The following SCARA5 variants were observed in gnomAD, a reference collection of about 807,000 sequenced individuals.
SCARA5 encodes the protein scavenger receptor class A member 5.
SCARA5 carries 45 observed loss-of-function variants against 46.3 expected under a neutral mutation model. The observed-to-expected ratio is 0.97, with a 90% CI of 0.76 to 1.24. The LOEUF (loss-of-function observed/expected upper bound fraction) is 1.24. Ranked by LOEUF, SCARA5 falls within the 50% of genes most tolerant of loss-of-function variation. The pLI, the probability that SCARA5 is intolerant of heterozygous loss-of-function variation, is 0.00. For synonymous variants in SCARA5, 333 were observed against 306.5 expected (o/e 1.09, Z -0.90); for missense variants, 680 against 689.0 (o/e 0.99, Z 0.15).
At chr8:27,878,721 C>T (rs990289362) in intron 8 of SCARA5, among the ~76,000 whole-genome samples, 2 of 152,196 alleles carry the variant, frequency 1.3e-5, no homozygotes, top group Non-Finnish European at 2.9e-5. Context: ...GCCTAAACAT[C>T]GGGTCTGACA....
intron 7 of SCARA5, among the ~76,000 whole-genome samples, chr8:27,885,530 TGAATGGAG>T (rs1806881379): frequency 6.6e-6 from 1 of 152,180 alleles, no homozygotes; most frequent in African/African-American, 2.4e-5. Flanking sequence ...AAGGCATGCA[TGAATGGAG>T]GGACTCATTA....
chr8:27,897,309 T>G (rs1047323671), intron 7 of SCARA5, among the ~76,000 whole-genome samples: 3 of 152,172 alleles, frequency 2.0e-5, no homozygotes, highest in African/African-American at 7.2e-5. Context: ...CACAGCTGCA[T>G]CCACTCCCAG....
chr8:27,963,465 C>G (rs1808320819), intron 3 of SCARA5, among the ~76,000 whole-genome samples: 1 of 152,188 alleles, frequency 6.6e-6, no homozygotes, highest in African/African-American at 2.4e-5. Flanking sequence ...GGAGGAGGCT[C>G]TTGCCGTCTC....
At chr8:27,974,752 G>A (rs908195144) in intron 2 of SCARA5, among the ~76,000 whole-genome samples, 3 of 151,948 alleles carry the variant, frequency 2.0e-5, no homozygotes, top group African/African-American at 7.3e-5. Flanking sequence ...CTCCATAGGG[G>A]AGGGAAGGAA....
intron 2 of SCARA5, among the ~76,000 whole-genome samples, chr8:27,977,830 A>C (rs1808549889): frequency 6.6e-6 from 1 of 152,254 alleles, no homozygotes; most frequent in Non-Finnish European, 1.5e-5. Context: ...GAGCACAGGA[A>C]ACATGGCTGG....
intron 2 of SCARA5, among the ~76,000 whole-genome samples, chr8:27,973,030 G>T (rs947087803): frequency 6.6e-6 from 1 of 152,148 alleles, no homozygotes; most frequent in African/African-American, 2.4e-5. Context: ...GGCAAGGTGT[G>T]TCTCCCTGTC....
intron 3 of SCARA5, among the ~76,000 whole-genome samples, chr8:27,942,042 T>A (rs1807954906): frequency 6.6e-6 from 1 of 151,976 alleles, no homozygotes; most frequent in African/African-American, 2.4e-5. Flanking sequence ...TTGCCCAGGC[T>A]GGTCTTGAAC....
rs1806782733 is a variant in SCARA5 at position 27,879,774 on chromosome 8, A to G, written c.1154-8T>C. 1 of 1,612,082 alleles carries G rather than the reference A, an allele frequency of 6.2e-7. No homozygotes were observed. The highest frequency in any genetic ancestry group is 1.3e-5 in the African/African-American group (1 of 74,964). ...TCGGGGCCTCCACGCCACCTGCCGG[A>G]GCAGCCAACTGTCACTACCCAGCTC... On this transcript the variant is annotated splice_region_variant and splice_polypyrimidine_tract_variant and intron_variant, in intron 7 of 8. Transcript: ENST00000354914.
chr8:27,919,436 A>T (rs1428531197), intron 4 of SCARA5, among the ~76,000 whole-genome samples: 2 of 152,066 alleles, frequency 1.3e-5, no homozygotes, highest in Non-Finnish European at 2.9e-5. Context: ...CTTGAGTTAA[A>T]CAATTAAATA....
intron 7 of SCARA5, among the ~76,000 whole-genome samples, chr8:27,882,344 T>C (rs917618650): frequency 1.3e-5 from 2 of 152,242 alleles, no homozygotes; most frequent in African/African-American, 4.8e-5. Context: ...TGAATAAAGC[T>C]GCTATAAATA....
chr8:27,944,705 G>GAA lies in SCARA5; in HGVS notation c.241+21707_241+21708dup, dbSNP rs11368469. On this transcript the variant is annotated intron_variant, in intron 3 of 8. Coordinates refer to ENST00000354914, the MANE Select transcript of SCARA5 (RefSeq NM_173833.6). ...GGTGAAACTCCATTTTGTAAAAATA[G>GAA]AAAAAAAAAAAAAAAGTAGCTGGGC... 5.7e-3 allele frequency among the ~76,000 whole-genome samples: 796 copies of GAA among 138,904 alleles called. 13 individuals are homozygous for GAA. The highest frequency in any genetic ancestry group is 0.015 in the African/African-American group (548 of 37,488). The allele number at this position is 138,904 out of a possible 152,430, so 91.1% of individuals were successfully genotyped here. A position where few individuals can be genotyped will look rare whatever the true frequency, so the allele number is the denominator to read the frequency against.
rs1180000550 is a variant in SCARA5, at chr8:27,966,526, C to A, written c.129G>T (p.Arg43=). ...NLCEDGPCHK[R]RASICCTQLG... is the part of the protein sequence containing the mutation. Reference sequence around the variant, plus strand: ...GCTGGGTACAGCAGATGCTTGCCCGCCGTTTGTGACATGGACCTGGACAAT... The same window carrying A: ...GCTGGGTACAGCAGATGCTTGCCCGACGTTTGTGACATGGACCTGGACAAT... Residue 43 remains arginine (R), a synonymous_variant, in exon 3 of 9, where the codon CGG becomes CGT. Transcript: ENST00000354914. 3.9e-5 allele frequency: 63 copies of A among 1,612,942 alleles called. No individual in the cohort carries two copies. Among genetic ancestry groups the A allele is most frequent in the Non-Finnish European group, 5.3e-5 (62 of 1,179,614 alleles).
At chr8:27,956,805 G>A (rs1808214163) in intron 3 of SCARA5, among the ~76,000 whole-genome samples, 1 of 152,222 alleles carries the variant, frequency 6.6e-6, no homozygotes, top group Non-Finnish European at 1.5e-5. Flanking sequence ...GTTGGCACCT[G>A]GTAAGTGTTT....
At chr8:27,972,109 G>T (rs574481816) in intron 2 of SCARA5, among the ~76,000 whole-genome samples, 53 of 152,220 alleles carry the variant, frequency 3.5e-4, no homozygotes, top group African/African-American at 1.3e-3. Flanking sequence ...CTGAGGTCAG[G>T]AGTTCAAGAC....
chr8:27,906,595 C>T (rs577149003), intron 6 of SCARA5, among the ~76,000 whole-genome samples: 2 of 152,384 alleles, frequency 1.3e-5, no homozygotes, highest in South Asian at 4.1e-4. Context: ...TACCATAACA[C>T]TCCCTTGCAT....
chr8:27,985,988 C>T (rs1483488109), intron 2 of SCARA5, among the ~76,000 whole-genome samples: 1 of 152,132 alleles, frequency 6.6e-6, no homozygotes, highest in Non-Finnish European at 1.5e-5. Flanking sequence ...TATGGTGGTC[C>T]CAGGGACATC....
chr8:27,959,662 A>G (rs906994646), intron 3 of SCARA5, among the ~76,000 whole-genome samples: 5 of 152,216 alleles, frequency 3.3e-5, no homozygotes, highest in African/African-American at 1.2e-4. Context: ...GAGGATGAGG[A>G]GAATGCCTTG....
chr8:27,978,024 G>GTT lies in SCARA5; in HGVS notation c.112+9478_112+9479dup, dbSNP rs11357387. 1.3e-3 allele frequency among the ~76,000 whole-genome samples: 137 copies of GTT among 106,630 alleles called. 4 individuals are homozygous for GTT. The highest frequency in any genetic ancestry group is 3.1e-3 in the African/African-American group (85 of 27,382). The allele number at this position is 106,630 out of a possible 152,430, so 70.0% of individuals were successfully genotyped here. On this transcript the variant is annotated intron_variant, in intron 2 of 8. Transcript: ENST00000354914. ...TTTCAGTTAGTTTCTTGTGTCTTTTGTTTTTTTTTTTTTTTTTTTTGAGAC... is the reference window on the plus strand; with the variant it reads ...TTTCAGTTAGTTTCTTGTGTCTTTTGTTTTTTTTTTTTTTTTTTTTTTGAGAC...
At chr8:27,959,984 C>A (rs1808269854) in intron 3 of SCARA5, among the ~76,000 whole-genome samples, 1 of 152,224 alleles carries the variant, frequency 6.6e-6, no homozygotes, top group Non-Finnish European at 1.5e-5. Context: ...ACCTCTCCAA[C>A]AATGTCTCCA....
Sources: gnomAD v4.1 joint callset for allele counts (sites outside exome capture counted in the v4.1 genomes callset) on GRCh38, gnomAD v4.1.1 for gene constraint, MANE v1.5 for transcripts, NCBI Gene and HGNC (gene_info 2026-07-23, HGNC 2026-07-21) for gene names.